Variants in ANKS1B observed in about 807,000 individuals in gnomAD.
ANKS1B encodes ankyrin repeat and sterile alpha motif domain containing 1B.
ANKS1B carries 36 observed loss-of-function variants against 148.3 expected under a neutral mutation model. The ratio of observed to expected loss-of-function variants is 0.24; its 90% confidence interval spans 0.19 to 0.32. The LOEUF (loss-of-function observed/expected upper bound fraction) is 0.32, where lower values mean the gene tolerates loss of function less well. Ranked by LOEUF, ANKS1B falls within the 10% of genes least tolerant of loss-of-function variation. The probability of loss-of-function intolerance (pLI) is 1.00; values close to 1 mark genes in which losing one functional copy is unlikely to be tolerated. For missense variants in ANKS1B, 1,157 were observed against 1,542.6 expected (o/e 0.75, Z 4.19); for synonymous variants, 542 against 560.8 (o/e 0.97, Z 0.47).
chr12:99,175,106 G>A (rs1601407636), intron 14 of ANKS1B, among the ~76,000 whole-genome samples: 3 of 118,410 alleles, frequency 2.5e-5, no homozygotes, highest in African/African-American at 8.1e-5. Context: ...GAATTGTATA[G>A]TCACATGCAT....
At chr12:99,457,661 C>T (rs1010424303) in intron 10 of ANKS1B, among the ~76,000 whole-genome samples, 2 of 152,010 alleles carry the variant, frequency 1.3e-5, no homozygotes, top group Non-Finnish European at 2.9e-5. Context: ...TTTAAAGCAG[C>T]AGCAGTTAAA....
chr12:98,780,011 C>T (rs559830198), intron 24 of ANKS1B, among the ~76,000 whole-genome samples: 1 of 152,198 alleles, frequency 6.6e-6, no homozygotes, highest in South Asian at 2.1e-4. Context: ...ACAACAATCT[C>T]TTTCGTCACA....
intron 12 of ANKS1B, among the ~76,000 whole-genome samples, chr12:99,389,764 A>G (rs2093995629): frequency 6.6e-6 from 1 of 152,188 alleles, no homozygotes; most frequent in Admixed American, 6.5e-5. Context: ...TTAAAGCAAG[A>G]GAAAATTGAG....
chr12:98,989,996 CAG>C (rs2099925634), intron 17 of ANKS1B, among the ~76,000 whole-genome samples: 1 of 147,498 alleles, frequency 6.8e-6, no homozygotes, highest in African/African-American at 2.5e-5. Context: ...AGGAAGGAGA[CAG>C]AGAAAGGAAG....
chr12:99,796,052 T>G (rs1410574099), intron 4 of ANKS1B, among the ~76,000 whole-genome samples: 3 of 152,060 alleles, frequency 2.0e-5, no homozygotes, highest in African/African-American at 7.2e-5. Flanking sequence ...CTCTTTGGAA[T>G]ATGCAAATTG....
chr12:99,172,584 C>T (rs1771027051), intron 14 of ANKS1B, among the ~76,000 whole-genome samples: 1 of 152,148 alleles, frequency 6.6e-6, no homozygotes, highest in Admixed American at 6.6e-5. Context: ...TGCCATGCCT[C>T]AGCTGCAGAA....
rs1009100566 is a variant in ANKS1B at position 98,900,632 on chromosome 12, G to T, written c.2779-68496C>A. 4.6e-5 allele frequency among the ~76,000 whole-genome samples: 7 copies of T among 152,314 alleles called. No individual in the cohort carries two copies. The East Asian group carries it at 1.2e-3, about 25-fold the overall frequency. On this transcript the variant is annotated intron_variant, in intron 17 of 26. Transcript: ENST00000683438. ...TATTAAAGCTCTGATAATTTAGAGTGAATCTTAGAAATAGAAATGTTTTAA... is the reference window on the plus strand; with the variant it reads ...TATTAAAGCTCTGATAATTTAGAGTTAATCTTAGAAATAGAAATGTTTTAA...
At chr12:99,521,098 CTG>C (rs2096870906) in intron 9 of ANKS1B, among the ~76,000 whole-genome samples, 1 of 152,050 alleles carries the variant, frequency 6.6e-6, no homozygotes, top group South Asian at 2.1e-4. Flanking sequence ...CCTGGTCTGA[CTG>C]TGTATTTTTA....
At chr12:98,809,992 C>A (rs547238001) in intron 19 of ANKS1B, among the ~76,000 whole-genome samples, 43 of 152,284 alleles carry the variant, frequency 2.8e-4, no homozygotes, top group African/African-American at 9.6e-4. Context: ...AAGTCACGCA[C>A]CCCTATACCT....
chr12:99,501,243 G>A (rs533276120), intron 10 of ANKS1B, among the ~76,000 whole-genome samples: 21 of 145,406 alleles, frequency 1.4e-4, no homozygotes, highest in Non-Finnish European at 1.8e-4. Flanking sequence ...GGTGTGGATC[G>A]GCTCTTCCTT....
intron 17 of ANKS1B, among the ~76,000 whole-genome samples, chr12:98,907,342 G>T (rs1470241164): frequency 6.6e-6 from 1 of 152,166 alleles, no homozygotes; most frequent in Non-Finnish European, 1.5e-5. Context: ...GGTCTGATGG[G>T]ACTGTGGAGC....
intron 10 of ANKS1B, among the ~76,000 whole-genome samples, chr12:99,449,294 G>A (rs896030247): frequency 2.0e-5 from 3 of 151,924 alleles, no homozygotes; most frequent in Admixed American, 6.6e-5. Flanking sequence ...ATCCTGTTCC[G>A]CTGTTAGTTT....
intron 1 of ANKS1B, among the ~76,000 whole-genome samples, chr12:99,911,493 C>T (rs2153787293): frequency 6.6e-6 from 1 of 152,196 alleles, no homozygotes; most frequent in East Asian, 1.9e-4. Flanking sequence ...AGAAGAAATG[C>T]TTTCTTTATT....
intron 8 of ANKS1B, among the ~76,000 whole-genome samples, chr12:99,686,343 T>A (rs2098649137): frequency 6.6e-6 from 1 of 152,112 alleles, no homozygotes; most frequent in Non-Finnish European, 1.5e-5. Flanking sequence ...CATGCCCAAA[T>A]AAGGCAAAAG....
intron 25 of ANKS1B, among the ~76,000 whole-genome samples, chr12:98,770,096 A>G (rs2098547254): frequency 6.6e-6 from 1 of 152,188 alleles, no homozygotes; most frequent in South Asian, 2.1e-4. Flanking sequence ...GAAGGAACAA[A>G]TGCTGAACAC....
At chr12:99,588,566 G>A (rs113495680) in intron 9 of ANKS1B, among the ~76,000 whole-genome samples, 17,928 of 151,954 alleles carry the variant, frequency 0.12, 1,329 homozygotes, top group Non-Finnish European at 0.16. Flanking sequence ...ACAGGCACCC[G>A]CCACTACGCC....
chr12:99,560,546 A>G (rs1433734857), intron 9 of ANKS1B, among the ~76,000 whole-genome samples: 1 of 152,184 alleles, frequency 6.6e-6, no homozygotes, highest in Admixed American at 6.5e-5. Flanking sequence ...AATGAAGCTA[A>G]TATCACAATA....
At chr12:98,772,425 C>A (rs959769319) in intron 25 of ANKS1B, among the ~76,000 whole-genome samples, 2 of 152,106 alleles carry the variant, frequency 1.3e-5, no homozygotes, top group African/African-American at 4.8e-5. Context: ...AAGACGTACC[C>A]AAGACTAGGT....
chr12:99,823,572 CTGGGA>C (rs1330963293), intron 2 of ANKS1B, among the ~76,000 whole-genome samples: 2 of 152,174 alleles, frequency 1.3e-5, no homozygotes, highest in Non-Finnish European at 2.9e-5. Context: ...TCCCAAAGTG[CTGGGA>C]TTACAGGCAT....
Sources: allele counts gnomAD v4.1 joint callset (sites outside exome capture counted in the v4.1 genomes callset), GRCh38; gene constraint gnomAD v4.1.1; transcripts MANE v1.5; gene names NCBI Gene and HGNC (gene_info 2026-07-23, HGNC 2026-07-21).